LARGE1: variants seen among roughly 807,000 people sequenced by gnomAD.
LARGE1 encodes xylosyl- and glucuronyltransferase LARGE1.
In LARGE1, 43 loss-of-function variants were observed where a neutral mutation model predicts 87.6. The observed-to-expected ratio is 0.49, with a 90% confidence interval of 0.38 to 0.63. The LOEUF is 0.63. LARGE1 is among the 30% of genes least tolerant of loss of function. The pLI is 0.00. For synonymous variants in LARGE1, 434 were observed against 394.6 expected, an observed-to-expected ratio of 1.10 and a Z score of -1.18; for missense variants, 802 against 1,000.2, an observed-to-expected ratio of 0.80 and a Z score of 2.67.
intron 6 of LARGE1, among the ~76,000 whole-genome samples, chr22:33,445,081 C>T (rs1170250742): frequency 2.6e-5 from 4 of 152,198 alleles, no homozygotes; most frequent in African/African-American, 7.2e-5. Flanking sequence ...CCGCCCGCCA[C>T]GGCCTCCCAA....
rs904458685 is a variant in LARGE1 at position 33,887,657 on chromosome 22, G to A, written c.-83+32338C>T. Among the ~76,000 whole-genome samples, 26 of 151,990 alleles carry A rather than the reference G, an allele frequency of 1.7e-4. 1 individual carries two copies. Among genetic ancestry groups the A allele is most frequent in the African/African-American group, 6.3e-4 (26 of 41,368 alleles). ...GGGGACTGAGGCAGGAGAACTGCTT[G>A]AGCCTGGAGGTGGAGGTTGTGGTGA... is the stretch of plus-strand genomic sequence containing the variant. On this transcript the variant is annotated intron_variant, in intron 1 of 14. Coordinates refer to ENST00000397394, the MANE Select transcript of LARGE1 (RefSeq NM_133642.5).
intron 4 of LARGE1, among the ~76,000 whole-genome samples, chr22:33,625,926 G>A (rs1022235020): frequency 2.0e-5 from 3 of 152,196 alleles, no homozygotes; most frequent in Non-Finnish European, 4.4e-5. Flanking sequence ...CTACCGACAA[G>A]GATGTATAAC....
intron 5 of LARGE1, among the ~76,000 whole-genome samples, chr22:33,585,309 T>A (rs1380507295): frequency 6.6e-6 from 1 of 152,058 alleles, no homozygotes; most frequent in Non-Finnish European, 1.5e-5. Flanking sequence ...GATTCCCTAC[T>A]GAGAAGGCTG....
At chr22:33,436,951 G>A (rs2067293422) in intron 6 of LARGE1, among the ~76,000 whole-genome samples, 1 of 151,982 alleles carries the variant, frequency 6.6e-6, no homozygotes. Context: ...AGTAAAATAA[G>A]GTGACATCTG....
At chr22:33,502,932 A>G (rs561241311) in intron 6 of LARGE1, among the ~76,000 whole-genome samples, 7 of 152,280 alleles carry the variant, frequency 4.6e-5, no homozygotes, top group Non-Finnish European at 1.5e-5. Context: ...TTTACACATC[A>G]TATCTCATTG....
intron 10 of LARGE1, chr22:33,322,798 T>C (rs1474025341): frequency 2.6e-5 from 4 of 152,094 alleles, no homozygotes; most frequent in African/African-American, 4.8e-5. Context: ...CTAGGGAATA[T>C]TGTCATTTAC....
chr22:33,451,887 C>T lies in LARGE1; in HGVS notation c.788-19622G>A, dbSNP rs1050390764. Among the ~76,000 whole-genome samples the T allele has an allele frequency of 2.0e-5, 3 of 152,130 alleles. No homozygotes were observed. In the South Asian group the frequency reaches 6.2e-4, roughly 32 times the overall value. On this transcript the variant is annotated intron_variant, in intron 6 of 14. Transcript: ENST00000397394. ...TCTCTCATTCTTATGCCTTTGCATCCTCATAGCTTAGCTCCCACTTATCAG... is the reference window on the plus strand; with the variant it reads ...TCTCTCATTCTTATGCCTTTGCATCTTCATAGCTTAGCTCCCACTTATCAG...
At chr22:33,504,856 T>G (rs1314637726) in intron 6 of LARGE1, among the ~76,000 whole-genome samples, 1 of 152,240 alleles carries the variant, frequency 6.6e-6, no homozygotes, top group Non-Finnish European at 1.5e-5. Flanking sequence ...ACAATGATTT[T>G]GAAAACCACA....
At chr22:33,080,404 C>T in the LARGE1 span, among the ~76,000 whole-genome samples, 1 of 152,226 alleles carries the variant, frequency 6.6e-6, no homozygotes, top group African/African-American at 2.4e-5. Flanking sequence ...TTCCGTTCCA[C>T]TCTGTCTTCA....
At chr22:33,738,559 T>C (rs1202670857) in intron 2 of LARGE1, among the ~76,000 whole-genome samples, 1 of 152,128 alleles carries the variant, frequency 6.6e-6, no homozygotes, top group Non-Finnish European at 1.5e-5. Flanking sequence ...GGTTGGGCAG[T>C]CGTAAGAGAC....
At chr22:33,133,214 G>T in the LARGE1 span, among the ~76,000 whole-genome samples, 2 of 151,942 alleles carry the variant, frequency 1.3e-5, no homozygotes, top group Admixed American at 6.6e-5. Context: ...AAGTTCTGGG[G>T]TATATGTGCA....
chr22:33,335,391 G>A (rs538052226), intron 10 of LARGE1, among the ~76,000 whole-genome samples: 2 of 152,214 alleles, frequency 1.3e-5, no homozygotes, highest in Admixed American at 6.5e-5. Flanking sequence ...AGCCAGTGGC[G>A]ATCCACTGTG....
downstream of LARGE1, among the ~76,000 whole-genome samples, chr22:33,157,467 A>C (rs1240450736): frequency 2.6e-5 from 4 of 152,126 alleles, no homozygotes; most frequent in East Asian, 7.7e-4. Flanking sequence ...CCCACTTCCC[A>C]TTTGCATCTC....
At chr22:33,596,992 T>C (rs1813627310) in intron 5 of LARGE1, among the ~76,000 whole-genome samples, 1 of 152,230 alleles carries the variant, frequency 6.6e-6, no homozygotes, top group Non-Finnish European at 1.5e-5. Context: ...ATTTCTCATG[T>C]TTCTGCAGGA....
intron 2 of LARGE1, among the ~76,000 whole-genome samples, chr22:33,721,434 G>C (rs2083094196): frequency 6.6e-6 from 1 of 152,106 alleles, no homozygotes; most frequent in South Asian, 2.1e-4. Flanking sequence ...TAACCACAGA[G>C]GACTATTATC....
At chr22:33,171,215 T>A (rs957696252) in intron 11 of LARGE1, among the ~76,000 whole-genome samples, 4 of 152,202 alleles carry the variant, frequency 2.6e-5, no homozygotes, top group Non-Finnish European at 5.9e-5. Flanking sequence ...TCTGAAAGCA[T>A]TCAGTCATAT....
At chr22:33,081,264 C>T in the LARGE1 span, among the ~76,000 whole-genome samples, 1 of 152,166 alleles carries the variant, frequency 6.6e-6, no homozygotes, top group Admixed American at 6.5e-5. Flanking sequence ...GTTTAAATCA[C>T]CCAGTCTATG....
the LARGE1 span, among the ~76,000 whole-genome samples, chr22:33,115,170 C>A: frequency 4.6e-5 from 7 of 152,216 alleles, no homozygotes; most frequent in East Asian, 1.4e-3. Flanking sequence ...AGTTCTGACC[C>A]CCCATTATGA....
In LARGE1 at chr22:33,564,951, G is replaced by C. The variant is rs754939601; in HGVS notation, c.684C>G (p.Thr228=). 15 of 1,613,962 alleles carry C rather than the reference G, an allele frequency of 9.3e-6. No individual in the cohort carries two copies. In the East Asian group the frequency reaches 2.9e-4, roughly 31 times the overall value. ...GIYGLMKLVL[T]KTLPANLERV... The stretch of plus-strand genomic sequence containing the variant: ...TCTCCAGGTTGGCAGGAAGAGTCTT[G>C]GTCAGGACAAGCTTCATCAGACCAT... The change falls in exon 6 of 15, where the codon ACC becomes ACG. Residue 228 remains threonine (T), a synonymous_variant. Coordinates refer to ENST00000397394, the MANE Select transcript of LARGE1 (RefSeq NM_133642.5).
Sources: allele counts gnomAD v4.1 joint callset (sites outside exome capture counted in the v4.1 genomes callset), GRCh38; gene constraint gnomAD v4.1.1; transcripts MANE v1.5; gene names NCBI Gene and HGNC (gene_info 2026-07-23, HGNC 2026-07-21).